The following TNFSF4 variants were observed in gnomAD, a reference collection of about 807,000 sequenced individuals.
TNFSF4 encodes the protein TNF superfamily member 4.
A neutral mutation model predicts 7.3 loss-of-function variants in TNFSF4; 4 were observed. That is an observed-to-expected ratio of 0.55 (90% CI 0.27 to 1.25). The LOEUF (loss-of-function observed/expected upper bound fraction) is 1.25. Ranked by LOEUF, TNFSF4 falls within the 50% of genes most tolerant of loss-of-function variation. The probability of loss-of-function intolerance (pLI) is 0.12; values close to 1 mark genes in which losing one functional copy is unlikely to be tolerated. For synonymous variants in TNFSF4, 76 were observed against 83.7 expected (o/e 0.91, Z 0.50); for missense variants, 181 against 208.8 (o/e 0.87, Z 0.82).
chr1:173,225,135 G>C, the TNFSF4 span, among the ~76,000 whole-genome samples: 1 of 152,170 alleles, frequency 6.6e-6, no homozygotes, highest in South Asian at 2.1e-4. Context: ...AGGAAGTGAA[G>C]GTTATGTGGT....
chr1:173,271,819 A>G, the TNFSF4 span, among the ~76,000 whole-genome samples: 3 of 152,154 alleles, frequency 2.0e-5, no homozygotes, highest in Non-Finnish European at 4.4e-5. Context: ...AACTAGAAAT[A>G]CCAGTTGACC....
At chr1:173,214,853 C>T in the TNFSF4 span, among the ~76,000 whole-genome samples, 15 of 152,186 alleles carry the variant, frequency 9.9e-5, no homozygotes, top group Non-Finnish European at 1.5e-5. Context: ...ATCTTTAACA[C>T]AAGGAACCAG....
chr1:173,362,909 TC>T, the TNFSF4 span: 1 of 480,110 alleles, frequency 2.1e-6, no homozygotes, highest in Non-Finnish European at 4.2e-6. Flanking sequence ...CCAAGCATAA[TC>T]TATAATGTAC....
At chr1:173,306,758 A>G in the TNFSF4 span, among the ~76,000 whole-genome samples, 1 of 151,912 alleles carries the variant, frequency 6.6e-6, no homozygotes, top group Admixed American at 6.6e-5. Context: ...AGAGAACTCA[A>G]TATGACTTCC....
At chr1:173,416,638 T>TATTTATTTATTTATTTTTTTGAGA in the TNFSF4 span, among the ~76,000 whole-genome samples, 2 of 110,084 alleles carry the variant, frequency 1.8e-5, no homozygotes, top group Non-Finnish European at 1.9e-5. Context: ...ATTTATTTTT[T>TATTTATTTATTTATTTTTTTGAGA]GAGAGAGAGA....
At chr1:173,335,055 T>C in the TNFSF4 span, among the ~76,000 whole-genome samples, 10 of 152,046 alleles carry the variant, frequency 6.6e-5, no homozygotes, top group African/African-American at 2.4e-4. Flanking sequence ...CAGGCCAAAT[T>C]TATTGATACT....
At chr1:173,285,912 A>G in the TNFSF4 span, among the ~76,000 whole-genome samples, 3,976 of 152,266 alleles carry the variant, frequency 0.026, 167 homozygotes, top group African/African-American at 0.091. Context: ...TATAATTTCA[A>G]CAGAGACTGC....
At chr1:173,359,939 C>T in the TNFSF4 span, among the ~76,000 whole-genome samples, 1 of 152,236 alleles carries the variant, frequency 6.6e-6, no homozygotes, top group Non-Finnish European at 1.5e-5. Flanking sequence ...TCTCTGCACA[C>T]CAGTATTTTA....
the TNFSF4 span, among the ~76,000 whole-genome samples, chr1:173,444,913 T>C: frequency 8.0e-4 from 122 of 152,338 alleles, 1 homozygote; most frequent in African/African-American, 2.8e-3. Flanking sequence ...AGTGAGGTTC[T>C]TGAATTGTAT....
chr1:173,428,881 C>T, the TNFSF4 span, among the ~76,000 whole-genome samples: 1,228 of 152,152 alleles, frequency 8.1e-3, 18 homozygotes, highest in African/African-American at 0.028. Flanking sequence ...GTGGCAGGTG[C>T]CTGTAATCCC....
the TNFSF4 span, among the ~76,000 whole-genome samples, chr1:173,380,520 C>T: frequency 6.6e-6 from 1 of 152,070 alleles, no homozygotes; most frequent in Admixed American, 6.6e-5. Flanking sequence ...CTTCTCAGGG[C>T]CTCCAAAAAT....
At chr1:173,355,229 G>T in the TNFSF4 span, among the ~76,000 whole-genome samples, 1 of 152,130 alleles carries the variant, frequency 6.6e-6, no homozygotes, top group Non-Finnish European at 1.5e-5. Context: ...ATATTGGGCC[G>T]ACCTGGATGG....
At chr1:173,300,136 TAGATAATA>T in the TNFSF4 span, among the ~76,000 whole-genome samples, 1 of 128,766 alleles carries the variant, frequency 7.8e-6, no homozygotes, top group African/African-American at 3.0e-5. Flanking sequence ...GATAGATAGA[TAGATAATA>T]AATAGATGAT....
chr1:173,389,133 T>A, the TNFSF4 span, among the ~76,000 whole-genome samples: 1 of 152,222 alleles, frequency 6.6e-6, no homozygotes, highest in Non-Finnish European at 1.5e-5. Flanking sequence ...AAAGCTATCA[T>A]CATTTAATTA....
the TNFSF4 span, among the ~76,000 whole-genome samples, chr1:173,382,465 C>A: frequency 6.6e-6 from 1 of 152,170 alleles, no homozygotes; most frequent in Non-Finnish European, 1.5e-5. Flanking sequence ...GGAGAAATAC[C>A]TAATGTAGAT....
chr1:173,409,214 G>A, the TNFSF4 span, among the ~76,000 whole-genome samples: 4 of 152,164 alleles, frequency 2.6e-5, no homozygotes, highest in Non-Finnish European at 5.9e-5. Context: ...TGAAGGTCAT[G>A]GAATCAAGGA....
At chr1:173,366,475 T>C in the TNFSF4 span, among the ~76,000 whole-genome samples, 2 of 151,000 alleles carry the variant, frequency 1.3e-5, no homozygotes, top group Non-Finnish European at 3.0e-5. Flanking sequence ...GGGAGGGAAG[T>C]CCACATGGAG....
chr1:173,332,591 C>T, the TNFSF4 span, among the ~76,000 whole-genome samples: 1 of 151,984 alleles, frequency 6.6e-6, no homozygotes, highest in African/African-American at 2.4e-5. Flanking sequence ...TGCGGTGGCT[C>T]ATGCCTGTAA....
the TNFSF4 span, among the ~76,000 whole-genome samples, chr1:173,279,730 T>A: frequency 6.6e-6 from 1 of 152,108 alleles, no homozygotes; most frequent in Non-Finnish European, 1.5e-5. Flanking sequence ...ATAAATACTG[T>A]CACCTAGGTA....
Sources: allele counts gnomAD v4.1 joint callset (sites outside exome capture counted in the v4.1 genomes callset), GRCh38; gene constraint gnomAD v4.1.1; transcripts MANE v1.5; gene names NCBI Gene and HGNC (gene_info 2026-07-23, HGNC 2026-07-21).